The following BRD4 variants were observed in gnomAD, a reference collection of about 807,000 sequenced individuals.
The protein encoded by BRD4 is bromodomain-containing protein 4.
Under a neutral mutation model 142.1 loss-of-function variants are expected in BRD4, and 16 were observed. That is an observed-to-expected ratio of 0.11 (90% confidence interval 0.08 to 0.17). The LOEUF (loss-of-function observed/expected upper bound fraction) is 0.17, where lower values mean the gene tolerates loss of function less well. Ranked by LOEUF, BRD4 falls within the 10% of genes least tolerant of loss-of-function variation. BRD4 has a pLI of 1.00. For missense variants in BRD4, 1,424 were observed against 1,810.9 expected, an observed-to-expected ratio of 0.79 and a Z score of 3.88; for synonymous variants, 833 against 707.5, an observed-to-expected ratio of 1.18 and a Z score of -2.82.
chr19:15,266,220 A>T (rs890442907), intron 4 of BRD4, among the ~76,000 whole-genome samples: 3 of 152,176 alleles, frequency 2.0e-5, no homozygotes, highest in Non-Finnish European at 4.4e-5. Context: ...AGCTGCAAAA[A>T]GTGAGGGGTT....
rs758643407 is a variant in BRD4 at position 15,243,081 on chromosome 19, G to A, written c.2988C>T (p.Pro996=). The A allele has an allele frequency of 7.3e-6, 11 of 1,508,968 alleles. No homozygotes were observed. The highest frequency in any genetic ancestry group is 2.5e-5 in the East Asian group (1 of 40,578). 93.5% of individuals were successfully genotyped at this position (1,508,968 alleles called of 1,614,324 possible). ...PQQQHQPPPR[P]VHLQPMQFST... The stretch of plus-strand genomic sequence containing the variant: ...AAAACTGCATGGGCTGCAAGTGCAC[G>A]GGCCGTGGAGGGGGCTGATGCTGCT... The change falls in exon 14 of 20, where the codon CCC becomes CCT. Residue 996 remains proline (P), a synonymous_variant. Coordinates refer to ENST00000679869, the MANE Select transcript of BRD4 (RefSeq NM_001379291.1).
rs1442260274 is a variant in BRD4 at position 15,244,545 on chromosome 19, T to C, written c.2267A>G (p.Gln756Arg). The change falls in exon 13 of 20, where the codon CAG (glutamine) becomes CGG (arginine). Residue 756 changes from glutamine (Q) to arginine (R), a missense_variant. Gln to Arg is a conservative substitution (Grantham distance 43). This residue lies in a region of BRD4 where 598 missense variants were observed against 647.8 expected (regional missense o/e 0.92). Coordinates refer to ENST00000679869, the MANE Select transcript of BRD4 (RefSeq NM_001379291.1). Reference protein sequence around the residue: ...MQQAPAPVPQQPPPPPQQPPP... With the variant: ...MQQAPAPVPQRPPPPPQQPPP... ...GGGCTGCTGGGGAGGCGGGGGCGGC[T>C]GCTGGGGCACAGGAGCCGGGGCCTG... The C allele has an allele frequency of 1.9e-6, 3 of 1,589,814 alleles. No individual in the cohort carries two copies. The East Asian group carries it at 6.8e-5, about 36-fold the overall frequency.
intron 8 of BRD4, 33 bp downstream of exon 8, chr19:15,256,930 TG>T (rs780685590): frequency 1.2e-5 from 19 of 1,521,526 alleles, no homozygotes; most frequent in Non-Finnish European, 1.5e-5. Context: ...CCACGGACTC[TG>T]GGGATTAAGA....
At chr19:15,253,258 C>G (rs1178552204) in intron 11 of BRD4, 3 of 479,626 alleles carry the variant, frequency 6.3e-6, no homozygotes, top group Non-Finnish European at 1.1e-5. Context: ...GTCGCCAGGC[C>G]TTCTGGGCAC....
chr19:15,291,171 A>T (rs1469303141), intron 1 of BRD4, among the ~76,000 whole-genome samples: 1 of 152,156 alleles, frequency 6.6e-6, no homozygotes, highest in African/African-American at 2.4e-5. Flanking sequence ...TAGGCCTATA[A>T]GGAGATGGTG....
At chr19:15,279,611 C>A (rs1199059224) in intron 1 of BRD4, among the ~76,000 whole-genome samples, 4 of 152,160 alleles carry the variant, frequency 2.6e-5, no homozygotes, top group Non-Finnish European at 5.9e-5. Context: ...GATTAGAAAG[C>A]AGGATATAGA....
In BRD4 at chr19:15,264,771, C is replaced by G. The variant is rs568657548; in HGVS notation, c.850-5G>C. 1 of 1,593,988 alleles carries G rather than the reference C, an allele frequency of 6.3e-7. No individual in the cohort carries two copies. The highest frequency in any genetic ancestry group is 2.2e-5 in the East Asian group (1 of 44,496). ...CCTCTTCACTCCCTTCTTTGTCTGC[C>G]AAGAACACGGACGCCAACAGGCACA... is the stretch of plus-strand genomic sequence containing the variant. On this transcript the variant is annotated splice_region_variant and splice_polypyrimidine_tract_variant and intron_variant, in intron 5 of 19. Transcript: ENST00000679869.
intron 1 of BRD4, among the ~76,000 whole-genome samples, chr19:15,288,141 G>A (rs1038988153): frequency 6.6e-6 from 1 of 152,136 alleles, no homozygotes; most frequent in African/African-American, 2.4e-5. Flanking sequence ...ATGGACACAG[G>A]TTGCTTCTAT....
At chr19:15,275,095 G>A (rs1038840668) in intron 1 of BRD4, among the ~76,000 whole-genome samples, 1 of 152,152 alleles carries the variant, frequency 6.6e-6, no homozygotes, top group African/African-American at 2.4e-5. Context: ...CTGACCTCAG[G>A]TGATCCACCT....
intron 1 of BRD4, among the ~76,000 whole-genome samples, chr19:15,317,955 G>C (rs756954559): frequency 6.6e-6 from 1 of 152,220 alleles, no homozygotes; most frequent in African/African-American, 2.4e-5. Flanking sequence ...CATATGAAGA[G>C]TCTCATACAC....
At chr19:15,289,552 AAAATAAAT>A (rs528874161) in intron 1 of BRD4, among the ~76,000 whole-genome samples, 4 of 152,094 alleles carry the variant, frequency 2.6e-5, no homozygotes, top group African/African-American at 7.2e-5. Flanking sequence ...ACTCCATCTT[AAAATAAAT>A]AAATAAATAA....
intron 1 of BRD4, among the ~76,000 whole-genome samples, chr19:15,302,814 G>A (rs1178554432): frequency 6.6e-6 from 1 of 151,662 alleles, no homozygotes; most frequent in African/African-American, 2.4e-5. Context: ...GACCATCCTG[G>A]CTAAAACAGT....
chr19:15,266,116 C>G (rs1160885808), intron 4 of BRD4, among the ~76,000 whole-genome samples: 3 of 152,246 alleles, frequency 2.0e-5, no homozygotes, highest in Non-Finnish European at 4.4e-5. Flanking sequence ...CAGGGGGCAG[C>G]TGGACTGCTG....
intron 1 of BRD4, among the ~76,000 whole-genome samples, chr19:15,305,933 T>C (rs1249194451): frequency 2.0e-5 from 3 of 152,270 alleles, no homozygotes; most frequent in African/African-American, 7.2e-5. Flanking sequence ...TTTTATGTTT[T>C]GGAGATGGCT....
At chr19:15,245,703 G>A (rs1203622822) in intron 11 of BRD4, among the ~76,000 whole-genome samples, 1 of 152,188 alleles carries the variant, frequency 6.6e-6, no homozygotes. Flanking sequence ...GGGGACATGA[G>A]CCCTGGCCAG....
At chr19:15,278,430 GA>G (rs1376694560) in intron 1 of BRD4, among the ~76,000 whole-genome samples, 3 of 151,176 alleles carry the variant, frequency 2.0e-5, no homozygotes, top group Non-Finnish European at 2.9e-5. Flanking sequence ...AGCTACTCCA[GA>G]GGCTGAGACA....
In BRD4 at chr19:15,239,310, A is replaced by G. The variant is rs367705172; in HGVS notation, c.3577-46T>C. 6 of 1,613,752 alleles carry G rather than the reference A, an allele frequency of 3.7e-6. No homozygotes were observed. The African/African-American group carries it at 5.3e-5, about 14-fold the overall frequency. On this transcript the variant is annotated intron_variant, in intron 17 of 19. Coordinates refer to ENST00000679869, the MANE Select transcript of BRD4 (RefSeq NM_001379291.1). This position sits in a 1 kb window ranked among gnomAD's most constrained non-coding sequence, Gnocchi z 7.4. ...GGTGGGTGAGGGGTCTGCTGTGCCTAAAGGGCATAGCTGGGGGTGTGCCCA... is the reference window on the plus strand; with the variant it reads ...GGTGGGTGAGGGGTCTGCTGTGCCTGAAGGGCATAGCTGGGGGTGTGCCCA...
At chr19:15,313,210 C>G (rs1599519497) in intron 1 of BRD4, among the ~76,000 whole-genome samples, 1 of 148,730 alleles carries the variant, frequency 6.7e-6, no homozygotes, top group African/African-American at 2.5e-5. Flanking sequence ...TCTCTCTACT[C>G]AAAATACAAA....
At chr19:15,249,035 C>A in intron 11 of BRD4, 1 of 583,494 alleles carries the variant, frequency 1.7e-6, no homozygotes, top group Non-Finnish European at 3.0e-6. Context: ...GGCAGGACAG[C>A]CAGGCAGTCT....
Sources: allele counts gnomAD v4.1 joint callset (sites outside exome capture counted in the v4.1 genomes callset), GRCh38; gene constraint gnomAD v4.1.1; regional missense constraint gnomAD v4.1.1; non-coding constraint Gnocchi (gnomAD v3.1); transcripts MANE v1.5; gene names NCBI Gene and HGNC (gene_info 2026-07-23, HGNC 2026-07-21).